Variants in EML6 observed in about 807,000 individuals in gnomAD.
The protein encoded by EML6 is EMAP like 6, also known as echinoderm microtubule-associated protein-like 6.
A neutral mutation model predicts 240.1 loss-of-function variants in EML6; 154 were observed. The ratio of observed to expected loss-of-function variants is 0.64; its 90% CI spans 0.56 to 0.73. The LOEUF is 0.73. Among genes scored for constraint, EML6 ranks in the 30% least tolerant of loss-of-function variants. The probability of loss-of-function intolerance (pLI) is 0.00; values close to 1 mark genes in which losing one functional copy is unlikely to be tolerated. For synonymous variants in EML6, 1,148 were observed against 899.0 expected (o/e 1.28, Z -4.95); for missense variants, 2,964 against 2,474.6 (o/e 1.20, Z -4.20).
Position 54,903,377 on chromosome 2 carries a change from G to A in EML6, c.3284G>A (p.Gly1095Glu). 2 of 1,551,452 alleles carry A rather than the reference G, an allele frequency of 1.3e-6. No individual in the cohort carries two copies. Among genetic ancestry groups the A allele is most frequent in the Non-Finnish European group, 1.7e-6 (2 of 1,146,904 alleles). ...CCCACATTTTTCTTAACAGATACGG[G>A]AAAATACCTTGCCGTGGCATCCCAT... ...ISDIKFSKDT[G>E]KYLAVASHDN... The change falls in exon 24 of 42, where the codon GGA becomes GAA. Residue 1095 changes from glycine to glutamate, a missense_variant. Coordinates refer to ENST00000356458, the MANE Select transcript of EML6 (RefSeq NM_001039753.4).
intron 2 of EML6, among the ~76,000 whole-genome samples, chr2:54,796,579 A>G (rs1669790714): frequency 6.6e-6 from 1 of 151,776 alleles, no homozygotes; most frequent in African/African-American, 2.4e-5. Context: ...ATCCTTTCAT[A>G]ATGAAAATTG....
At chr2:54,937,945 CTT>C (rs1439694894) in intron 28 of EML6, among the ~76,000 whole-genome samples, 2 of 152,194 alleles carry the variant, frequency 1.3e-5, no homozygotes, top group East Asian at 3.8e-4. Context: ...TATAAAACCT[CTT>C]TATACGTAAA....
At position 54,820,452 on chromosome 2, in the gene EML6, A is replaced by G; in HGVS notation, c.515A>G (p.Lys172Arg). ...QPNRVVSCGVKHIKFWTLCGN... is the reference protein window; with the variant it reads ...QPNRVVSCGVRHIKFWTLCGN... ...AACAGAGTGGTTAGCTGTGGAGTAA[A>G]ACACATAAAGGTAAAGCTTTTTGTT... Residue 172 changes from lysine (K) to arginine (R), a missense_variant, in exon 5 of 42, where the codon AAA becomes AGA. Lys to Arg is a conservative substitution (Grantham distance 26). Transcript: ENST00000356458. 1 of 1,544,858 alleles carries G rather than the reference A, an allele frequency of 6.5e-7. No homozygotes were observed. Among genetic ancestry groups the G allele is most frequent in the South Asian group, 1.2e-5 (1 of 83,440 alleles).
chr2:54,742,636 AG>A (rs1291796425), intron 2 of EML6, among the ~76,000 whole-genome samples: 1 of 152,162 alleles, frequency 6.6e-6, no homozygotes, highest in Non-Finnish European at 1.5e-5. Context: ...GGAAAAAGCT[AG>A]GGCTTCAGTG....
chr2:54,916,726 G>A (rs1326501434), intron 25 of EML6, 33 bp from the exon 26 acceptor site: 3 of 1,459,530 alleles, frequency 2.1e-6, no homozygotes, highest in Non-Finnish European at 1.8e-6. Context: ...ACTAGGTTGT[G>A]CAAAAATATC....
At chr2:54,885,208 G>A (rs1672061310) in intron 17 of EML6, among the ~76,000 whole-genome samples, 1 of 152,114 alleles carries the variant, frequency 6.6e-6, no homozygotes, top group Non-Finnish European at 1.5e-5. Context: ...ACTTTGGGAG[G>A]TTGAGGCGGG....
At chr2:54,907,610 G>C (rs1262841689) in intron 24 of EML6, among the ~76,000 whole-genome samples, 1 of 152,168 alleles carries the variant, frequency 6.6e-6, no homozygotes, top group Non-Finnish European at 1.5e-5. Flanking sequence ...CCAGTTGTTA[G>C]AATTATTCTA....
At position 54,788,557 on chromosome 2, in the gene EML6, C is replaced by T. The variant is rs114294790; in HGVS notation, c.198-24675C>T. Among the ~76,000 whole-genome samples the T allele has an allele frequency of 7.2e-3, 1,094 of 152,290 alleles. 6 individuals are homozygous for T. The highest frequency in any genetic ancestry group is 0.025 in the African/African-American group (1,053 of 41,552). ...AGCAGGTCTAGAATCGATAGCTACTCTCCAGAGAGAGACCTCAAGACCAAG... is the reference window on the plus strand; with the variant it reads ...AGCAGGTCTAGAATCGATAGCTACTTTCCAGAGAGAGACCTCAAGACCAAG... On this transcript the variant is annotated intron_variant, in intron 2 of 41. Coordinates refer to ENST00000356458, the MANE Select transcript of EML6 (RefSeq NM_001039753.4).
intron 25 of EML6, among the ~76,000 whole-genome samples, chr2:54,913,796 A>G (rs1441465083): frequency 6.6e-6 from 1 of 152,206 alleles, no homozygotes; most frequent in African/African-American, 2.4e-5. Flanking sequence ...TTGAGGTCTT[A>G]CATTTAAATC....
intron 7 of EML6, among the ~76,000 whole-genome samples, chr2:54,833,136 T>C (rs1368552783): frequency 6.6e-6 from 1 of 152,252 alleles, no homozygotes; most frequent in African/African-American, 2.4e-5. Flanking sequence ...TTCTATGTTC[T>C]ATAAATTTAA....
rs187327288 is a variant in EML6 at position 54,815,371 on chromosome 2, C to T, written c.358-1416C>T. Among the ~76,000 whole-genome samples, 50 of 152,174 alleles carry T rather than the reference C, an allele frequency of 3.3e-4. 1 individual carries two copies. The highest frequency in any genetic ancestry group is 3.4e-4 in the Non-Finnish European group (23 of 68,010). The stretch of plus-strand genomic sequence containing the variant: ...CTCCCTGGACAGAGTTCACTGGAAT[C>T]GAATGATATTTAGAAATGACAAATG... On this transcript the variant is annotated intron_variant, in intron 3 of 41. Transcript: ENST00000356458.
At chr2:54,938,368 C>A (rs1476066897) in intron 28 of EML6, among the ~76,000 whole-genome samples, 1 of 152,170 alleles carries the variant, frequency 6.6e-6, no homozygotes, top group African/African-American at 2.4e-5. Flanking sequence ...GATACAGTTA[C>A]ATAAGGCAGG....
rs1163379060 is a variant in EML6, at chr2:54,968,122, GA to G, written c.5598-4del. On this transcript the variant is annotated splice_polypyrimidine_tract_variant and splice_region_variant and intron_variant, in intron 39 of 41. Transcript: ENST00000356458. The stretch of plus-strand genomic sequence containing the variant: ...TCTATCCTAACCCCTCTTTCTGTTG[GA>G]ACAGCGTCCTGGGAGATGAAGTCAT... 1.3e-6 allele frequency: 2 copies of G among 1,550,574 alleles called. No homozygotes were observed. Among genetic ancestry groups the G allele is most frequent in the East Asian group, 4.9e-5 (2 of 40,930 alleles).
chr2:54,783,539 A>G lies in EML6; in HGVS notation c.198-29693A>G, dbSNP rs546349717. ...AAATAGAGACATATACCTTTTCTCA[A>G]TCTAATTTAAAAAATTTAGTCAAAT... On this transcript the variant is annotated intron_variant, in intron 2 of 41. Coordinates refer to ENST00000356458, the MANE Select transcript of EML6 (RefSeq NM_001039753.4). Among the ~76,000 whole-genome samples, 141 of 152,342 alleles carry G rather than the reference A, an allele frequency of 9.3e-4. 1 individual carries two copies. In the South Asian group the frequency reaches 0.017, roughly 18 times the overall value.
At chr2:54,896,296 C>T (rs1164997013) in intron 21 of EML6, among the ~76,000 whole-genome samples, 1 of 152,186 alleles carries the variant, frequency 6.6e-6, no homozygotes, top group African/African-American at 2.4e-5. Flanking sequence ...TTACCTGCTC[C>T]CCACATGCCA....
chr2:54,924,540 C>A (rs1473373749), intron 26 of EML6, among the ~76,000 whole-genome samples: 1 of 152,004 alleles, frequency 6.6e-6, no homozygotes, highest in Non-Finnish European at 1.5e-5. Context: ...TTGATAAAAT[C>A]ACTTATTTTT....
At chr2:54,849,613 C>A (rs1212474509) in intron 9 of EML6, among the ~76,000 whole-genome samples, 1 of 152,152 alleles carries the variant, frequency 6.6e-6, no homozygotes, top group Non-Finnish European at 1.5e-5. Context: ...CTCAGCCTCC[C>A]GATTAGCTGG....
intron 2 of EML6, among the ~76,000 whole-genome samples, chr2:54,779,697 AC>A (rs1668761553): frequency 6.6e-6 from 1 of 151,814 alleles, no homozygotes; most frequent in Non-Finnish European, 1.5e-5. Context: ...CACCATCTTT[AC>A]CAAAAATACA....
At chr2:54,951,177 T>C (rs1675956906) in intron 30 of EML6, among the ~76,000 whole-genome samples, 1 of 152,208 alleles carries the variant, frequency 6.6e-6, no homozygotes, top group Admixed American at 6.5e-5. Flanking sequence ...CTCAGATTTT[T>C]CAAGTTGTAT....
Sources: allele counts gnomAD v4.1 joint callset (sites outside exome capture counted in the v4.1 genomes callset), GRCh38; gene constraint gnomAD v4.1.1; transcripts MANE v1.5; gene names NCBI Gene and HGNC (gene_info 2026-07-23, HGNC 2026-07-21).